Variants in ARHGAP28 observed in about 807,000 individuals in gnomAD.
ARHGAP28 encodes Rho GTPase activating protein 28, also known as rho GTPase-activating protein 28.
Under a neutral mutation model 90.7 loss-of-function variants are expected in ARHGAP28, and 56 were observed. The ratio of observed to expected loss-of-function variants is 0.62; its 90% CI spans 0.50 to 0.77. The LOEUF is 0.77. Among genes scored for constraint, ARHGAP28 ranks in the 30% least tolerant of loss-of-function variants. The pLI, the probability that ARHGAP28 is intolerant of heterozygous loss-of-function variation, is 0.00. For synonymous variants in ARHGAP28, 308 were observed against 323.3 expected (o/e 0.95, Z 0.51); for missense variants, 869 against 900.9 (o/e 0.96, Z 0.45).
chr18:6,832,716 C>T (rs2056725519), intron 2 of ARHGAP28, among the ~76,000 whole-genome samples: 1 of 151,914 alleles, frequency 6.6e-6, no homozygotes, highest in Non-Finnish European at 1.5e-5. Context: ...TATAGTCATT[C>T]TGGCTTTCTT....
At chr18:6,846,125 T>A (rs924673478) in intron 3 of ARHGAP28, among the ~76,000 whole-genome samples, 2 of 152,196 alleles carry the variant, frequency 1.3e-5, no homozygotes, top group Non-Finnish European at 2.9e-5. Context: ...TGCCTCCACC[T>A]GGATTCATGG....
intron 1 of ARHGAP28, among the ~76,000 whole-genome samples, chr18:6,782,592 ATTTTTTTTTTTTT>A (rs10602816): frequency 6.4e-4 from 17 of 26,692 alleles, no homozygotes; most frequent in East Asian, 2.6e-3. Context: ...TAATTTTTGT[ATTTTTTTTTTTTT>A]TTTTTTTTTT....
intron 1 of ARHGAP28, among the ~76,000 whole-genome samples, chr18:6,820,177 T>C (rs1002298857): frequency 6.6e-6 from 1 of 152,106 alleles, no homozygotes; most frequent in African/African-American, 2.4e-5. Flanking sequence ...AGAGGATAGA[T>C]GGGCAAAAAT....
At chr18:6,840,979 A>T (rs572522960) in intron 3 of ARHGAP28, among the ~76,000 whole-genome samples, 1 of 152,130 alleles carries the variant, frequency 6.6e-6, no homozygotes, top group African/African-American at 2.4e-5. Context: ...TTCCTAAAAA[A>T]TTCGGCATCT....
Position 6,864,644 on chromosome 18 carries a change from C to A in ARHGAP28, c.727-3506C>A, listed in dbSNP as rs180708487. ...TCTTAATCAGACTCTAAATAGTTGC[C>A]CGTATCAGCAATATATTTTAAATTA... On this transcript the variant is annotated intron_variant, in intron 5 of 17. Transcript: ENST00000383472. Among the ~76,000 whole-genome samples, 45 of 151,724 alleles carry A rather than the reference C, an allele frequency of 3.0e-4. 1 individual carries two copies. Among genetic ancestry groups the A allele is most frequent in the Admixed American group, 2.4e-3 (36 of 15,220 alleles).
At chr18:6,870,860 G>T (rs776653307) in intron 7 of ARHGAP28, 128 bp downstream of exon 7, 2 of 966,716 alleles carry the variant, frequency 2.1e-6, no homozygotes, top group South Asian at 3.5e-5. Flanking sequence ...GAGTGCAGTG[G>T]CGCGATCTCG....
intron 1 of ARHGAP28, among the ~76,000 whole-genome samples, chr18:6,766,589 G>A (rs1459557290): frequency 6.6e-6 from 1 of 152,098 alleles, no homozygotes; most frequent in Non-Finnish European, 1.5e-5. Flanking sequence ...CCTCTGATGG[G>A]CAGTTTCTGC....
chr18:6,777,510 C>T lies in ARHGAP28; in HGVS notation c.123-47252C>T, dbSNP rs4550538. Among the ~76,000 whole-genome samples, 268 of 152,136 alleles carry T rather than the reference C, an allele frequency of 1.8e-3. 1 individual carries two copies. The highest frequency in any genetic ancestry group is 6.2e-3 in the African/African-American group (258 of 41,508). Reference sequence around the variant, plus strand: ...GGCAGAGGTGGGAAGTTCACTTGAGCTCAGGAGTTCAGGATCAGCCTGGGC... The same window carrying T: ...GGCAGAGGTGGGAAGTTCACTTGAGTTCAGGAGTTCAGGATCAGCCTGGGC... On this transcript the variant is annotated intron_variant, in intron 1 of 17. Coordinates refer to ENST00000383472, the MANE Select transcript of ARHGAP28 (RefSeq NM_001366230.1).
chr18:6,870,458 T>A (rs1227536559), intron 6 of ARHGAP28, 132 bp from the exon 7 acceptor site: 2 of 915,410 alleles, frequency 2.2e-6, no homozygotes, highest in Admixed American at 2.9e-5. Context: ...AGTCTGCTGC[T>A]TTTCCTCGCA....
At position 6,868,134 on chromosome 18, in the gene ARHGAP28, T is replaced by C. The variant is rs2057052359; in HGVS notation, c.727-16T>C. ...TATGGTAAAATGTTTTGTGTTCATCTTCCTTTGCTTGGCAGGCTATACTTG... is the reference window on the plus strand; with the variant it reads ...TATGGTAAAATGTTTTGTGTTCATCCTCCTTTGCTTGGCAGGCTATACTTG... On this transcript the variant is annotated splice_polypyrimidine_tract_variant and intron_variant, in intron 5 of 17. Coordinates refer to ENST00000383472, the MANE Select transcript of ARHGAP28 (RefSeq NM_001366230.1). 3 of 1,607,226 alleles carry C rather than the reference T, an allele frequency of 1.9e-6. No individual in the cohort carries two copies.
At chr18:6,908,054 G>A (rs1035774124) in intron 16 of ARHGAP28, among the ~76,000 whole-genome samples, 1 of 152,136 alleles carries the variant, frequency 6.6e-6, no homozygotes, top group African/African-American at 2.4e-5. Flanking sequence ...CTAGTCTAGG[G>A]TGGAAAAATT....
At chr18:6,840,801 G>A (rs933263597) in intron 3 of ARHGAP28, among the ~76,000 whole-genome samples, 1 of 152,150 alleles carries the variant, frequency 6.6e-6, no homozygotes, top group East Asian at 1.9e-4. Context: ...TGCTGTCTTG[G>A]AAAATAGCGC....
intron 1 of ARHGAP28, among the ~76,000 whole-genome samples, chr18:6,766,003 A>T (rs80254015): frequency 0.03 from 4,505 of 152,238 alleles, 192 homozygotes; most frequent in African/African-American, 0.096. Context: ...GTCCTTTAAA[A>T]TTTCTTGAGA....
chr18:6,847,280 C>T (rs983455784), intron 3 of ARHGAP28, among the ~76,000 whole-genome samples: 1 of 152,084 alleles, frequency 6.6e-6, no homozygotes, highest in Non-Finnish European at 1.5e-5. Flanking sequence ...CACACCCCCA[C>T]CCCTAACAAG....
chr18:6,737,491 A>C (rs998588589), intron 1 of ARHGAP28, among the ~76,000 whole-genome samples: 1 of 152,120 alleles, frequency 6.6e-6, no homozygotes, highest in Non-Finnish European at 1.5e-5. Flanking sequence ...TTTGTAATTT[A>C]CTTTTGATTA....
At chr18:6,841,189 CTCTCTCTCTCTCTCCTCTCCT>C (rs2056817315) in intron 3 of ARHGAP28, among the ~76,000 whole-genome samples, 1 of 59,714 alleles carries the variant, frequency 1.7e-5, no homozygotes, top group African/African-American at 9.4e-5. Context: ...TCCTCTCTCT[CTCTCTCTCTCTCTCCTCTCCT>C]CTCTCTCTCT....
chr18:6,867,994 A>G (rs780249331), intron 5 of ARHGAP28, among the ~76,000 whole-genome samples, 156 bp from the exon 6 acceptor site: 5 of 152,258 alleles, frequency 3.3e-5, no homozygotes, highest in African/African-American at 9.6e-5. Flanking sequence ...TGAATGCAGA[A>G]ACAGGAAATC....
intron 5 of ARHGAP28, 24 bp from the exon 6 acceptor site, chr18:6,868,126 T>A (rs759357765): frequency 6.3e-7 from 1 of 1,589,650 alleles, no homozygotes; most frequent in Admixed American, 1.7e-5. Flanking sequence ...AAATGTTTTG[T>A]GTTCATCTTC....
At chr18:6,858,935 A>G (rs1442582633) in intron 4 of ARHGAP28, among the ~76,000 whole-genome samples, 1 of 152,226 alleles carries the variant, frequency 6.6e-6, no homozygotes, top group Non-Finnish European at 1.5e-5. Flanking sequence ...AAATTGAGAA[A>G]ATATAGTCAA....
Sources: allele counts gnomAD v4.1 joint callset (sites outside exome capture counted in the v4.1 genomes callset), GRCh38; gene constraint gnomAD v4.1.1; transcripts MANE v1.5; gene names NCBI Gene and HGNC (gene_info 2026-07-23, HGNC 2026-07-21).